MAN2A1: variants seen among roughly 807,000 people sequenced by gnomAD.
MAN2A1 encodes alpha-mannosidase 2.
MAN2A1 carries 76 observed loss-of-function variants against 142.6 expected under a neutral mutation model. The ratio of observed to expected loss-of-function variants is 0.53; its 90% CI spans 0.44 to 0.65. The LOEUF is 0.65. Among genes scored for constraint, MAN2A1 ranks in the 30% least tolerant of loss-of-function variants. MAN2A1 has a pLI of 0.00. For synonymous variants in MAN2A1, 559 were observed against 473.2 expected, an observed-to-expected ratio of 1.18 and a Z score of -2.35; for missense variants, 1,311 against 1,365.1, an observed-to-expected ratio of 0.96 and a Z score of 0.62.
chr5:109,817,243 A>C, intron 12 of MAN2A1, 30 bp from the exon 13 acceptor site: 1 of 1,602,148 alleles, frequency 6.2e-7, no homozygotes, highest in South Asian at 1.1e-5. Context: ...ATATTTTGAG[A>C]TCCCAATAAT....
intron 20 of MAN2A1, among the ~76,000 whole-genome samples, chr5:109,855,946 G>A (rs1186932802): frequency 6.6e-6 from 1 of 152,126 alleles, no homozygotes. Context: ...ATTGCAAATT[G>A]ACATAGATTT....
chr5:109,824,519 A>T (rs1274806709), intron 16 of MAN2A1, among the ~76,000 whole-genome samples: 1 of 152,148 alleles, frequency 6.6e-6, no homozygotes, highest in East Asian at 1.9e-4. Flanking sequence ...TGCTTTTCCA[A>T]CTACAGATTT....
intron 16 of MAN2A1, among the ~76,000 whole-genome samples, chr5:109,836,280 T>C (rs1316469652): frequency 1.3e-5 from 2 of 149,546 alleles, no homozygotes; most frequent in African/African-American, 2.5e-5. Flanking sequence ...TGGCTAATTT[T>C]TGTGGGGTTT....
chr5:109,761,192 T>G (rs1284263134), intron 5 of MAN2A1, among the ~76,000 whole-genome samples: 1 of 151,078 alleles, frequency 6.6e-6, no homozygotes, highest in African/African-American at 2.4e-5. Flanking sequence ...AAAATGAAAA[T>G]TATCTTTTTA....
intron 6 of MAN2A1, among the ~76,000 whole-genome samples, chr5:109,769,977 C>T (rs527933027): frequency 3.8e-4 from 58 of 152,292 alleles, no homozygotes; most frequent in South Asian, 1.0e-3. Flanking sequence ...TCAGTGAATT[C>T]TGTTACCTGA....
At chr5:109,718,576 C>T (rs1019813288) in intron 3 of MAN2A1, among the ~76,000 whole-genome samples, 10 of 152,234 alleles carry the variant, frequency 6.6e-5, no homozygotes, top group Admixed American at 2.6e-4. Context: ...TAAACACACT[C>T]TCCTCATGGC....
chr5:109,727,469 C>G (rs578128901), intron 3 of MAN2A1, among the ~76,000 whole-genome samples: 1 of 152,296 alleles, frequency 6.6e-6, no homozygotes, highest in South Asian at 2.1e-4. Context: ...TCTCCAAATA[C>G]AGTCACATTC....
chr5:109,857,146 T>A (rs562932897), intron 20 of MAN2A1, among the ~76,000 whole-genome samples: 1 of 152,218 alleles, frequency 6.6e-6, no homozygotes, highest in African/African-American at 2.4e-5. Flanking sequence ...AAAGAGCAAG[T>A]GTGAAGGCCC....
chr5:109,848,384 T>A (rs776940398), intron 19 of MAN2A1, among the ~76,000 whole-genome samples: 3 of 152,186 alleles, frequency 2.0e-5, no homozygotes, highest in Non-Finnish European at 4.4e-5. Flanking sequence ...AAGTTATTGA[T>A]CCACCCACCT....
At chr5:109,711,973 A>G (rs1475877129) in intron 1 of MAN2A1, among the ~76,000 whole-genome samples, 6 of 152,090 alleles carry the variant, frequency 3.9e-5, no homozygotes, top group African/African-American at 1.4e-4. Context: ...TTCAGGTCTG[A>G]GAAGGTACAT....
intron 4 of MAN2A1, among the ~76,000 whole-genome samples, chr5:109,735,798 C>T (rs1277482756): frequency 6.8e-6 from 1 of 146,742 alleles, no homozygotes; most frequent in South Asian, 2.2e-4. Flanking sequence ...AAAAAGTAAT[C>T]TTTTTGGATT....
intron 8 of MAN2A1, among the ~76,000 whole-genome samples, chr5:109,776,420 A>C (rs1753293423): frequency 6.6e-6 from 1 of 152,138 alleles, no homozygotes; most frequent in East Asian, 1.9e-4. Flanking sequence ...GATGATGCTC[A>C]TACATGAATA....
chr5:109,814,659 A>G (rs1754405157), intron 12 of MAN2A1, among the ~76,000 whole-genome samples: 1 of 152,228 alleles, frequency 6.6e-6, no homozygotes, highest in Admixed American at 6.5e-5. Context: ...CGTTATGGTC[A>G]AATACTAATT....
intron 4 of MAN2A1, among the ~76,000 whole-genome samples, chr5:109,730,030 A>G (rs1348994255): frequency 6.6e-6 from 1 of 152,142 alleles, no homozygotes; most frequent in Non-Finnish European, 1.5e-5. Flanking sequence ...TGTCCCACAA[A>G]TGGAATTACT....
In MAN2A1 at chr5:109,690,240, C is replaced by A; in HGVS notation, c.-178C>A. ...GGCAGGCCAGGGCGAAGGCCAAGGG[C>A]GTGTGGTGGCGCCGGAGACTAGGTG... On this transcript the variant is annotated 5_prime_UTR_variant, in exon 1 of 22. Coordinates refer to ENST00000261483, the MANE Select transcript of MAN2A1 (RefSeq NM_002372.4). 1.5e-6 allele frequency: 1 copy of A among 645,962 alleles called. No homozygotes were observed. Among genetic ancestry groups the A allele is most frequent in the Non-Finnish European group, 2.7e-6 (1 of 365,270 alleles). 40.0% of individuals were successfully genotyped at this position (645,962 alleles called of 1,614,324 possible).
Position 109,819,713 on chromosome 5 carries a change from T to C in MAN2A1, c.2154T>C (p.Tyr718=). The C allele has an allele frequency of 3.1e-6, 5 of 1,612,296 alleles. No individual in the cohort carries two copies. The highest frequency in any genetic ancestry group is 4.2e-6 in the Non-Finnish European group (5 of 1,179,276). ...TACCGCCATTGGGACTGAAAGTGTATAAGATTTTGGAATCAGCAAGTTCAA... is the reference window on the plus strand; with the variant it reads ...TACCGCCATTGGGACTGAAAGTGTACAAGATTTTGGAATCAGCAAGTTCAA... ...AHIPPLGLKV[Y]KILESASSNS... is the part of the protein sequence containing the mutation. Residue 718 remains tyrosine, a synonymous_variant, in exon 14 of 22, where the codon TAT becomes TAC. Coordinates refer to ENST00000261483, the MANE Select transcript of MAN2A1 (RefSeq NM_002372.4).
At chr5:109,797,914 G>A (rs1450637581) in intron 12 of MAN2A1, among the ~76,000 whole-genome samples, 1 of 152,134 alleles carries the variant, frequency 6.6e-6, no homozygotes, top group Admixed American at 6.6e-5. Flanking sequence ...TGTGAAGGTA[G>A]TAGAGAGACA....
intron 1 of MAN2A1, among the ~76,000 whole-genome samples, chr5:109,695,854 C>G (rs942985815): frequency 1.3e-5 from 2 of 152,134 alleles, no homozygotes; most frequent in South Asian, 4.1e-4. Flanking sequence ...AGTTATCAAG[C>G]CAAGCTGCTA....
intron 12 of MAN2A1, among the ~76,000 whole-genome samples, chr5:109,799,754 CAAAA>C (rs35788147): frequency 8.7e-6 from 1 of 115,450 alleles, no homozygotes; most frequent in Non-Finnish European, 1.8e-5. Flanking sequence ...AACTCCGTCT[CAAAA>C]AAAAAAAAAA....
Sources: gnomAD v4.1 joint callset for allele counts (sites outside exome capture counted in the v4.1 genomes callset) on GRCh38, gnomAD v4.1.1 for gene constraint, MANE v1.5 for transcripts, NCBI Gene and HGNC (gene_info 2026-07-23, HGNC 2026-07-21) for gene names.